Variants in TCF4 observed in about 807,000 individuals in gnomAD.
TCF4 encodes transcription factor 4, also known as SL3-3 enhancer factor 2.
A neutral mutation model predicts 82.1 loss-of-function variants in TCF4; 3 were observed. That is an observed-to-expected ratio of 0.04 (90% CI 0.02 to 0.09). TCF4 has a LOEUF of 0.09. TCF4 is among the 10% of genes least tolerant of loss of function. TCF4 has a pLI of 1.00. For missense variants in TCF4, 518 were observed against 852.7 expected (o/e 0.61, Z 4.89); for synonymous variants, 276 against 309.6 (o/e 0.89, Z 1.14).
At chr18:55,530,071 C>A (rs2097041905) in intron 3 of TCF4, among the ~76,000 whole-genome samples, 1 of 152,172 alleles carries the variant, frequency 6.6e-6, no homozygotes, top group African/African-American at 2.4e-5. Context: ...GACTGTGTAA[C>A]TGATTAGGGC....
At chr18:55,236,271 T>C (rs552234529) in intron 15 of TCF4, among the ~76,000 whole-genome samples, 8 of 152,170 alleles carry the variant, frequency 5.3e-5, no homozygotes, top group Non-Finnish European at 8.8e-5. Context: ...CCCCGGTGCC[T>C]GTGTCGCAAC....
chr18:55,291,286 T>C lies in TCF4; in HGVS notation c.550-11630A>G, dbSNP rs147977039. ...AAGGAATCTGGTGGACAACTTTTCA[T>C]ATTTGTTAAAGATATCTAATAGTGC... On this transcript the variant is annotated intron_variant, in intron 8 of 19. Coordinates refer to ENST00000354452, the MANE Select transcript of TCF4 (RefSeq NM_001083962.2). Among the ~76,000 whole-genome samples the C allele has an allele frequency of 1.6e-3, 246 of 152,336 alleles. 1 individual carries two copies. Among genetic ancestry groups the C allele is most frequent in the Middle Eastern group, 0.01 (3 of 294 alleles).
intron 3 of TCF4, among the ~76,000 whole-genome samples, chr18:55,556,663 A>G (rs1489024297): frequency 6.6e-6 from 1 of 152,204 alleles, no homozygotes; most frequent in Non-Finnish European, 1.5e-5. Flanking sequence ...CCACATGGAG[A>G]ATTTCAAAGG....
intron 6 of TCF4, among the ~76,000 whole-genome samples, chr18:55,389,356 G>GC (rs2146089525): frequency 6.6e-6 from 1 of 152,230 alleles, no homozygotes; most frequent in South Asian, 2.1e-4. Context: ...CCTAGCCCTT[G>GC]CCCCTAGCCT....
At chr18:55,416,947 G>T (rs2094545034) in intron 5 of TCF4, among the ~76,000 whole-genome samples, 1 of 152,168 alleles carries the variant, frequency 6.6e-6, no homozygotes, top group Non-Finnish European at 1.5e-5. Flanking sequence ...CTGGAGCTGA[G>T]AGTGAAATGC....
chr18:55,465,380 CA>C (rs1358060715), intron 3 of TCF4, among the ~76,000 whole-genome samples: 26 of 151,366 alleles, frequency 1.7e-4, no homozygotes, highest in Non-Finnish European at 2.8e-4. Context: ...GATAGAAAAG[CA>C]ACAACAACTA....
chr18:55,403,990 T>C (rs2093962955), intron 5 of TCF4: 1 of 1,252,030 alleles, frequency 8.0e-7, no homozygotes, highest in Non-Finnish European at 1.0e-6. Flanking sequence ...TTCAAAATTC[T>C]GAGTCTCTCT....
chr18:55,436,228 G>A (rs1392350746), intron 5 of TCF4, among the ~76,000 whole-genome samples: 3 of 152,126 alleles, frequency 2.0e-5, no homozygotes, highest in Non-Finnish European at 1.5e-5. Flanking sequence ...TCAAGATTCT[G>A]TGATTAGAAA....
intron 2 of TCF4, chr18:55,585,717 T>C (rs1046849144): frequency 1.7e-5 from 19 of 1,091,494 alleles, no homozygotes; most frequent in Non-Finnish European, 2.1e-5. Context: ...TGTTTTATAT[T>C]GAAAACCTTG....
At chr18:55,263,653 AAAT>A (rs2058511587) in intron 11 of TCF4, among the ~76,000 whole-genome samples, 1 of 152,220 alleles carries the variant, frequency 6.6e-6, no homozygotes, top group African/African-American at 2.4e-5. Flanking sequence ...TCTAAAGAGA[AAAT>A]AATAATGATG....
At chr18:55,461,865 C>G (rs1305269238) in intron 4 of TCF4, among the ~76,000 whole-genome samples, 3 of 151,988 alleles carry the variant, frequency 2.0e-5, no homozygotes, top group African/African-American at 7.3e-5. Flanking sequence ...TTAAGCTGTC[C>G]AGTTACTTAA....
chr18:55,617,550 T>G (rs1208044289), intron 2 of TCF4, among the ~76,000 whole-genome samples: 1 of 152,138 alleles, frequency 6.6e-6, no homozygotes, highest in Non-Finnish European at 1.5e-5. Context: ...CAATATTGTC[T>G]TCCAATCCAT....
intron 8 of TCF4, among the ~76,000 whole-genome samples, chr18:55,298,044 G>A (rs1472675511): frequency 2.0e-5 from 3 of 152,100 alleles, no homozygotes; most frequent in South Asian, 2.1e-4. Flanking sequence ...TAAAGGTGCT[G>A]TATATAAAAA....
chr18:55,236,106 CTTT>C (rs1407865611), intron 15 of TCF4, among the ~76,000 whole-genome samples: 1 of 151,144 alleles, frequency 6.6e-6, no homozygotes, highest in Admixed American at 6.6e-5. Flanking sequence ...TGCACTCCAA[CTTT>C]TTTTTAAATT....
intron 6 of TCF4, among the ~76,000 whole-genome samples, chr18:55,394,993 T>C (rs1418065274): frequency 6.6e-6 from 1 of 152,250 alleles, no homozygotes; most frequent in East Asian, 1.9e-4. Context: ...TACTTCAGAT[T>C]ACAGGCTTCT....
chr18:55,522,178 A>G (rs1176829765), intron 3 of TCF4, among the ~76,000 whole-genome samples: 2 of 152,204 alleles, frequency 1.3e-5, no homozygotes, highest in African/African-American at 4.8e-5. Context: ...TTCCTCCTCT[A>G]GCCTTCTACT....
intron 10 of TCF4, 149 bp downstream of exon 10, chr18:55,275,470 G>T: frequency 9.9e-7 from 1 of 1,014,936 alleles, no homozygotes. Context: ...TTATGTCTTT[G>T]ATCACAGAAA....
At chr18:55,237,973 T>A (rs1024076006) in intron 15 of TCF4, among the ~76,000 whole-genome samples, 5 of 152,250 alleles carry the variant, frequency 3.3e-5, no homozygotes, top group Non-Finnish European at 7.3e-5. Flanking sequence ...GTTCTCTGTA[T>A]ATACAAGGGT....
chr18:55,263,153 A>G (rs1359216389), intron 11 of TCF4, among the ~76,000 whole-genome samples: 1 of 152,132 alleles, frequency 6.6e-6, no homozygotes, highest in Admixed American at 6.6e-5. Context: ...CCACACCCAT[A>G]TTTATTTGTT....
Sources: gnomAD v4.1 joint callset for allele counts (sites outside exome capture counted in the v4.1 genomes callset) on GRCh38, gnomAD v4.1.1 for gene constraint, MANE v1.5 for transcripts, NCBI Gene and HGNC (gene_info 2026-07-23, HGNC 2026-07-21) for gene names.